The following ZFHX3 variants were observed in gnomAD, a reference collection of about 807,000 sequenced individuals.
The protein encoded by ZFHX3 is zinc finger homeobox protein 3.
A neutral mutation model predicts 279.1 loss-of-function variants in ZFHX3; 42 were observed. The ratio of observed to expected loss-of-function variants is 0.15; its 90% CI spans 0.12 to 0.19. The LOEUF (loss-of-function observed/expected upper bound fraction) is 0.19, where lower values mean the gene tolerates loss of function less well. ZFHX3 is among the 10% of genes least tolerant of loss of function. The probability of loss-of-function intolerance (pLI) is 1.00; values close to 1 mark genes in which losing one functional copy is unlikely to be tolerated. For missense variants in ZFHX3, 4,981 were observed against 4,754.0 expected (o/e 1.05, Z -1.40); for synonymous variants, 2,293 against 1,957.8 (o/e 1.17, Z -4.52).
chr16:73,267,609 C>T (rs2014013981), intron 4 of ZFHX3, among the ~76,000 whole-genome samples: 1 of 152,146 alleles, frequency 6.6e-6, no homozygotes, highest in Non-Finnish European at 1.5e-5. Context: ...CTCTTGAACC[C>T]TGACCACCTG....
intron 3 of ZFHX3, among the ~76,000 whole-genome samples, chr16:73,327,789 G>A (rs188517447): frequency 6.6e-6 from 1 of 152,196 alleles, no homozygotes; most frequent in African/African-American, 2.4e-5. Context: ...TCACCCATGT[G>A]TGGTTTAACT....
intron 5 of ZFHX3, among the ~76,000 whole-genome samples, chr16:73,163,874 C>T (rs1158778479): frequency 6.6e-6 from 1 of 152,118 alleles, no homozygotes; most frequent in Non-Finnish European, 1.5e-5. Flanking sequence ...TTAACTGAAG[C>T]TGTATGTTTA....
chr16:73,215,839 T>C (rs928600193), intron 5 of ZFHX3, among the ~76,000 whole-genome samples: 1 of 152,128 alleles, frequency 6.6e-6, no homozygotes, highest in African/African-American at 2.4e-5. Flanking sequence ...TGACTTGACT[T>C]GGCTAATGGG....
chr16:73,409,550 C>G (rs759618898), intron 3 of ZFHX3, among the ~76,000 whole-genome samples: 1 of 152,126 alleles, frequency 6.6e-6, no homozygotes, highest in Non-Finnish European at 1.5e-5. Flanking sequence ...CTATGGAGAA[C>G]AGTTTGGAGG....
chr16:73,098,895 C>G (rs1043685431), intron 7 of ZFHX3: 2 of 152,182 alleles, frequency 1.3e-5, no homozygotes, highest in Non-Finnish European at 2.9e-5. Flanking sequence ...ACCTCCACCC[C>G]CTACATTGGA....
intron 1 of ZFHX3, among the ~76,000 whole-genome samples, chr16:73,848,540 G>A (rs1165408790): frequency 6.6e-6 from 1 of 152,096 alleles, no homozygotes; most frequent in Non-Finnish European, 1.5e-5. Context: ...ATAATCCAAT[G>A]GATTTCTTTA....
chr16:73,371,936 C>T (rs1338991792), intron 3 of ZFHX3, among the ~76,000 whole-genome samples: 6 of 152,230 alleles, frequency 3.9e-5, no homozygotes, highest in Non-Finnish European at 7.3e-5. Context: ...TCCTGGACCT[C>T]TTCACTCTTT....
At chr16:73,696,855 T>C (rs569797338) in intron 1 of ZFHX3, among the ~76,000 whole-genome samples, 10 of 152,276 alleles carry the variant, frequency 6.6e-5, no homozygotes, top group African/African-American at 2.2e-4. Flanking sequence ...TATTTAAACA[T>C]AGGTTGTGAG....
chr16:72,994,155 T>C (rs1963194578), intron 1 of ZFHX3, among the ~76,000 whole-genome samples: 1 of 152,230 alleles, frequency 6.6e-6, no homozygotes, highest in South Asian at 2.1e-4. Flanking sequence ...TCTCTCTTAA[T>C]CTTTTATAAG....
chr16:73,563,087 A>G (rs1213281018), intron 2 of ZFHX3, among the ~76,000 whole-genome samples: 1 of 152,080 alleles, frequency 6.6e-6, no homozygotes, highest in Non-Finnish European at 1.5e-5. Context: ...GAAAACAAAG[A>G]CCAAGACTTT....
At chr16:73,138,760 T>C (rs1032319329) in intron 6 of ZFHX3, among the ~76,000 whole-genome samples, 6 of 152,090 alleles carry the variant, frequency 3.9e-5, no homozygotes, top group African/African-American at 1.4e-4. Flanking sequence ...TGATCATGGC[T>C]CACTGCAGCC....
chr16:73,056,320 G>A (rs1965555135), intron 1 of ZFHX3, among the ~76,000 whole-genome samples: 1 of 152,006 alleles, frequency 6.6e-6, no homozygotes, highest in Non-Finnish European at 1.5e-5. Context: ...TTTTGACACT[G>A]CGTCAATCTC....
intron 7 of ZFHX3, among the ~76,000 whole-genome samples, chr16:72,802,703 A>G (rs1490145194): frequency 1.3e-5 from 2 of 152,138 alleles, no homozygotes; most frequent in African/African-American, 4.8e-5. Flanking sequence ...TGAGAATGGA[A>G]GCTGCCTTGC....
At chr16:73,622,223 T>C (rs572569191) in intron 2 of ZFHX3, among the ~76,000 whole-genome samples, 2 of 152,214 alleles carry the variant, frequency 1.3e-5, no homozygotes, top group African/African-American at 4.8e-5. Flanking sequence ...CCAGGTTTTG[T>C]GGAGGCCTGA....
At chr16:73,510,266 T>C (rs2019406239) in intron 2 of ZFHX3, among the ~76,000 whole-genome samples, 1 of 152,176 alleles carries the variant, frequency 6.6e-6, no homozygotes, top group Non-Finnish European at 1.5e-5. Flanking sequence ...TTTCTTGTTG[T>C]CTTTTGCCTC....
intron 5 of ZFHX3, among the ~76,000 whole-genome samples, chr16:73,209,633 G>A (rs540574640): frequency 1.5e-3 from 226 of 152,280 alleles, no homozygotes; most frequent in African/African-American, 5.2e-3. Context: ...ATGGGTTTTG[G>A]AGGGGACAAA....
intron 4 of ZFHX3, among the ~76,000 whole-genome samples, chr16:72,845,776 G>T (rs2037464517): frequency 6.6e-6 from 1 of 152,030 alleles, no homozygotes; most frequent in Admixed American, 6.6e-5. Context: ...AGCCTCCATT[G>T]GCTTAAGTCA....
intron 1 of ZFHX3, among the ~76,000 whole-genome samples, chr16:73,041,785 G>C (rs986141376): frequency 6.6e-6 from 1 of 152,204 alleles, no homozygotes; most frequent in Non-Finnish European, 1.5e-5. Flanking sequence ...TGTTAAAAGG[G>C]AAGCAGAAAC....
intron 1 of ZFHX3, among the ~76,000 whole-genome samples, chr16:73,760,795 A>G (rs1390034189): frequency 2.0e-5 from 3 of 152,148 alleles, no homozygotes; most frequent in South Asian, 2.1e-4. Context: ...AAAACTCTCA[A>G]TAAAGAAAGG....
Sources: gnomAD v4.1 joint callset for allele counts (sites outside exome capture counted in the v4.1 genomes callset) on GRCh38, gnomAD v4.1.1 for gene constraint, MANE v1.5 for transcripts, NCBI Gene and HGNC (gene_info 2026-07-23, HGNC 2026-07-21) for gene names.